Variants in DGKH observed in about 807,000 individuals in gnomAD.
DGKH encodes diacylglycerol kinase eta.
A neutral mutation model predicts 159.3 loss-of-function variants in DGKH; 90 were observed. The observed-to-expected ratio is 0.57, with a 90% CI of 0.48 to 0.67. The LOEUF (loss-of-function observed/expected upper bound fraction) is 0.67. Among genes scored for constraint, DGKH ranks in the 30% least tolerant of loss-of-function variants. DGKH has a pLI of 0.00. For missense variants in DGKH, 1,181 were observed against 1,506.1 expected, an observed-to-expected ratio of 0.78 and a Z score of 3.57; for synonymous variants, 536 against 553.8, an observed-to-expected ratio of 0.97 and a Z score of 0.45.
In DGKH at chr13:42,083,022, T is replaced by A. The variant is rs1037157415; in HGVS notation, c.192+34057T>A. On this transcript the variant is annotated intron_variant, in intron 1 of 29. Transcript: ENST00000337343. Reference sequence around the variant, plus strand: ...GCTGGGACTCTCTTCCTGTTTTTGGTTTTTAGGAAAAAAGCTAGAAAATCC... The same window carrying A: ...GCTGGGACTCTCTTCCTGTTTTTGGATTTTAGGAAAAAAGCTAGAAAATCC... Among the ~76,000 whole-genome samples the A allele has an allele frequency of 5.9e-5, 9 of 152,142 alleles. No homozygotes were observed. In the South Asian group the frequency reaches 8.3e-4, roughly 14 times the overall value.
At chr13:42,224,064 G>T (rs892613529) in intron 29 of DGKH, among the ~76,000 whole-genome samples, 7 of 152,118 alleles carry the variant, frequency 4.6e-5, no homozygotes, top group Non-Finnish European at 7.4e-5. Context: ...TGCTGCAAAA[G>T]ACATGTTTTC....
intron 1 of DGKH, among the ~76,000 whole-genome samples, chr13:42,041,129 C>G (rs960148749): frequency 2.0e-5 from 3 of 152,198 alleles, no homozygotes; most frequent in African/African-American, 7.2e-5. Context: ...CTGATCGAGG[C>G]TCTCCCCGAG....
intron 26 of DGKH, among the ~76,000 whole-genome samples, chr13:42,217,469 C>T: frequency 6.6e-6 from 1 of 151,852 alleles, no homozygotes; most frequent in East Asian, 1.9e-4. Context: ...TCTCGAACTC[C>T]TGACTTCAAG....
At chr13:42,070,162 G>A (rs58626649) in intron 1 of DGKH, 124,733 of 912,488 alleles carry the variant, frequency 0.14, 9,447 homozygotes, top group Non-Finnish European at 0.15. Flanking sequence ...ATGGGAGAGC[G>A]CTTCTTCTGC....
intron 3 of DGKH, among the ~76,000 whole-genome samples, chr13:42,152,654 C>T (rs1485818142): frequency 6.6e-6 from 1 of 151,454 alleles, no homozygotes; most frequent in Non-Finnish European, 1.5e-5. Context: ...GCACAGGGAC[C>T]TCTTTATTCT....
At chr13:42,092,281 T>A (rs914017906) in intron 1 of DGKH, among the ~76,000 whole-genome samples, 1 of 152,192 alleles carries the variant, frequency 6.6e-6, no homozygotes, top group Non-Finnish European at 1.5e-5. Flanking sequence ...TGAAGAAATA[T>A]CTGTACTCCC....
chr13:42,167,279 G>A (rs1956337029), intron 9 of DGKH, among the ~76,000 whole-genome samples: 1 of 152,136 alleles, frequency 6.6e-6, no homozygotes, highest in Non-Finnish European at 1.5e-5. Context: ...TTCTTAAGAG[G>A]CGATATTATG....
intron 3 of DGKH, chr13:42,138,030 A>G (rs1466870762): frequency 2.1e-6 from 2 of 955,800 alleles, no homozygotes; most frequent in East Asian, 2.3e-4. Flanking sequence ...TTGTGAGGTA[A>G]TAGCTCTTCC....
chr13:42,147,992 G>A (rs1290371059), intron 3 of DGKH, among the ~76,000 whole-genome samples: 1 of 152,148 alleles, frequency 6.6e-6, no homozygotes, highest in Non-Finnish European at 1.5e-5. Flanking sequence ...ATGCAACTGT[G>A]CAGCAGCCCT....
intron 1 of DGKH, among the ~76,000 whole-genome samples, chr13:42,112,428 T>G (rs1954881086): frequency 6.6e-6 from 1 of 151,914 alleles, no homozygotes; most frequent in East Asian, 1.9e-4. Flanking sequence ...ACTACAAGAG[T>G]GAGCCACGAT....
At chr13:42,088,434 G>A (rs148688935) in intron 1 of DGKH, among the ~76,000 whole-genome samples, 1,934 of 152,204 alleles carry the variant, frequency 0.013, 25 homozygotes, top group Admixed American at 0.023. Context: ...AACTAATAAT[G>A]TTTTCTGGGG....
At chr13:42,190,605 T>G (rs910905385) in intron 16 of DGKH, 80 bp downstream of exon 16, 26 of 1,360,396 alleles carry the variant, frequency 1.9e-5, no homozygotes, top group Non-Finnish European at 2.3e-5. Context: ...CTGATCAGTT[T>G]GAAAAAAACT....
Position 42,241,435 on chromosome 13 carries a change from T to A in DGKH, c.*12247T>A, listed in dbSNP as rs1419418853. 6.6e-6 allele frequency: 1 copy of A among 152,252 alleles called. No homozygotes were observed. The highest frequency in any genetic ancestry group is 1.5e-5 in the Non-Finnish European group (1 of 68,040). 9.4% of individuals were successfully genotyped at this position (152,252 alleles called of 1,614,324 possible). On this transcript the variant is annotated 3_prime_UTR_variant, in exon 30 of 30. Transcript: ENST00000337343. ...AATCCCATTTTTATGTCCACAATTT[T>A]TACATTTTTGTATCAGCCACCAATA...
At chr13:42,058,834 C>T (rs1194616028) in intron 1 of DGKH, among the ~76,000 whole-genome samples, 2 of 152,168 alleles carry the variant, frequency 1.3e-5, no homozygotes, top group Admixed American at 6.5e-5. Context: ...ACAGATTATC[C>T]AGTGGAAGCA....
At chr13:42,254,477 C>A (rs1958643117) in intron 30 of DGKH, among the ~76,000 whole-genome samples, 1 of 151,882 alleles carries the variant, frequency 6.6e-6, no homozygotes, top group Admixed American at 6.6e-5. Flanking sequence ...ACTGAAAATA[C>A]AAAAAATTAG....
intron 11 of DGKH, among the ~76,000 whole-genome samples, 156 bp downstream of exon 11, chr13:42,168,974 G>T (rs1244641280): frequency 1.3e-5 from 2 of 152,180 alleles, no homozygotes; most frequent in Non-Finnish European, 2.9e-5. Flanking sequence ...TAATCCCTGA[G>T]ATGGAGAACA....
At chr13:42,200,107 T>G (rs1188894275) in intron 20 of DGKH, among the ~76,000 whole-genome samples, 198 bp downstream of exon 20, 1 of 152,190 alleles carries the variant, frequency 6.6e-6, no homozygotes, top group African/African-American at 2.4e-5. Flanking sequence ...ATCATCATCA[T>G]TATCTCCTGA....
chr13:42,050,867 GCAAA>G lies in DGKH; in HGVS notation c.192+1916_192+1919del, dbSNP rs200523912. 4.9e-3 allele frequency among the ~76,000 whole-genome samples: 747 copies of G among 152,150 alleles called. 8 individuals carry two copies. The highest frequency in any genetic ancestry group is 0.017 in the African/African-American group (693 of 41,488). ...GCGAGACTGTCTCTTAAACAAACAAGCAAACAAACAAACAAACGTGTATGTTACA... is the reference window on the plus strand; with the variant it reads ...GCGAGACTGTCTCTTAAACAAACAAGCAAACAAACAAACGTGTATGTTACA... On this transcript the variant is annotated intron_variant, in intron 1 of 29. Coordinates refer to ENST00000337343, the MANE Select transcript of DGKH (RefSeq NM_178009.5).
At chr13:42,246,934 G>A, downstream of DGKH, among the ~76,000 whole-genome samples, 1 of 152,022 alleles carries the variant, frequency 6.6e-6, no homozygotes, top group Non-Finnish European at 1.5e-5. Context: ...GCAGTCATGT[G>A]CTTTATAACT....
Sources: gnomAD v4.1 joint callset for allele counts (sites outside exome capture counted in the v4.1 genomes callset) on GRCh38, gnomAD v4.1.1 for gene constraint, MANE v1.5 for transcripts, NCBI Gene and HGNC (gene_info 2026-07-23, HGNC 2026-07-21) for gene names.